The following FBXL3 variants were observed in gnomAD, a reference collection of about 807,000 sequenced individuals.
The protein encoded by FBXL3 is F-box/LRR-repeat protein 3.
Under a neutral mutation model 37.9 loss-of-function variants are expected in FBXL3, and 14 were observed. The ratio of observed to expected loss-of-function variants is 0.37; its 90% confidence interval spans 0.24 to 0.58. The LOEUF (loss-of-function observed/expected upper bound fraction) is 0.58. Among genes scored for constraint, FBXL3 ranks in the 20% least tolerant of loss-of-function variants. FBXL3 has a pLI of 0.74. For synonymous variants in FBXL3, 194 were observed against 180.1 expected, an observed-to-expected ratio of 1.08 and a Z score of -0.62; for missense variants, 327 against 511.1, an observed-to-expected ratio of 0.64 and a Z score of 3.47.
chr13:77,023,556 G>A (rs1267790369), intron 1 of FBXL3, among the ~76,000 whole-genome samples: 1 of 151,872 alleles, frequency 6.6e-6, no homozygotes, highest in Non-Finnish European at 1.5e-5. Context: ...CCGTGTAATC[G>A]GACTTTTTGG....
chr13:77,020,574 T>C (rs1279540314), intron 2 of FBXL3, among the ~76,000 whole-genome samples: 1 of 136,294 alleles, frequency 7.3e-6, no homozygotes, highest in East Asian at 3.0e-4. Context: ...AGCAACTGCT[T>C]GTGTCCAGAT....
Position 77,018,727 on chromosome 13 carries a change from GA to G in FBXL3, c.349-6del. ...TGATTCCTTGCTGCTGTCCACCTTA[GA>G]AAAGAAACACCGTTTACTCATGAAT... On this transcript the variant is annotated splice_polypyrimidine_tract_variant and splice_region_variant and intron_variant, in intron 2 of 4. Coordinates refer to ENST00000355619, the MANE Select transcript of FBXL3 (RefSeq NM_012158.4). The G allele has an allele frequency of 6.5e-7, 1 of 1,546,046 alleles. No homozygotes were observed. Among genetic ancestry groups the G allele is most frequent in the Non-Finnish European group, 8.7e-7 (1 of 1,151,358 alleles).
At chr13:77,013,061 A>C (rs1407498594) in intron 4 of FBXL3, 1 of 152,312 alleles carries the variant, frequency 6.6e-6, no homozygotes, top group East Asian at 1.9e-4. Context: ...GACGTGAGCC[A>C]ACGTGCCCAG....
At chr13:77,017,983 T>G (rs2034674369) in intron 3 of FBXL3, 1 of 152,142 alleles carries the variant, frequency 6.6e-6, no homozygotes, top group East Asian at 1.9e-4. Context: ...CTTTACCAGT[T>G]GCCTTTCTAA....
intron 1 of FBXL3, among the ~76,000 whole-genome samples, chr13:77,025,886 T>C (rs1284331570): frequency 6.6e-6 from 1 of 152,164 alleles, no homozygotes; most frequent in Non-Finnish European, 1.5e-5. Flanking sequence ...CTTTTACTAA[T>C]ATCAAACTAA....
At chr13:77,020,376 A>G (rs1057500917) in intron 2 of FBXL3, among the ~76,000 whole-genome samples, 2 of 152,212 alleles carry the variant, frequency 1.3e-5, no homozygotes, top group Non-Finnish European at 1.5e-5. Context: ...GGGAAAAAAA[A>G]GGCAAAAACA....
intron 2 of FBXL3, among the ~76,000 whole-genome samples, chr13:77,020,978 T>A (rs2034732504): frequency 6.6e-6 from 1 of 152,214 alleles, no homozygotes; most frequent in African/African-American, 2.4e-5. Context: ...TCCAATACCT[T>A]CCTTCCAGCA....
In FBXL3 at chr13:77,015,479, T is replaced by C. The variant is rs1164498058; in HGVS notation, c.573A>G (p.Val191=). The C allele has an allele frequency of 1.2e-6, 2 of 1,608,572 alleles. No individual in the cohort carries two copies. Among genetic ancestry groups the C allele is most frequent in the Non-Finnish European group, 1.7e-6 (2 of 1,177,442 alleles). ...DTPVDDPSLK[V]LVANNSDTLK... is the part of the protein sequence containing the mutation. ...GTGTATCACTATTGTTGGCCACTAG[T>C]ACTTTGAGAGATGGATCATCTACTG... The change falls in exon 4 of 5, where the codon GTA becomes GTG. Residue 191 remains valine (V), a synonymous_variant. Transcript: ENST00000355619.
Position 77,021,533 on chromosome 13 carries a change from G to T in FBXL3, c.328C>A (p.Leu110Ile). 1 of 1,611,816 alleles carries T rather than the reference G, an allele frequency of 6.2e-7. No individual in the cohort carries two copies. The highest frequency in any genetic ancestry group is 8.5e-7 in the Non-Finnish European group (1 of 1,178,266). ...ATTACCTTGAAGCTGACATATTGTA[G>T]ATGGTTTGAATGTCTTTTAATAATC... ...KQIIKRHSNH[L>I]QYVSFKVDSS... The change falls in exon 2 of 5, where the codon CTA (leucine) becomes ATA (isoleucine). Residue 110 changes from leucine to isoleucine, a missense_variant. Transcript: ENST00000355619.
chr13:77,021,446 G>A (rs535475481), intron 2 of FBXL3, 67 bp downstream of exon 2: 2 of 1,198,546 alleles, frequency 1.7e-6, no homozygotes, highest in East Asian at 2.4e-5. Flanking sequence ...ATGAGAAGAT[G>A]TACTGGTTTA....
chr13:77,021,239 C>A (rs1272699540), intron 2 of FBXL3, among the ~76,000 whole-genome samples: 1 of 152,166 alleles, frequency 6.6e-6, no homozygotes, highest in Non-Finnish European at 1.5e-5. Flanking sequence ...AAATCGTTCA[C>A]AATAATTCAA....
At position 77,006,890 on chromosome 13, in the gene FBXL3, A is replaced by T; in HGVS notation, c.*255T>A. 1.5e-5 allele frequency: 19 copies of T among 1,300,072 alleles called. No individual in the cohort carries two copies. Among genetic ancestry groups the T allele is most frequent in the Non-Finnish European group, 1.9e-5 (19 of 1,023,152 alleles). 80.5% of individuals were successfully genotyped at this position (1,300,072 alleles called of 1,614,324 possible). ...TTAGACTGTAAACTGTTTAATACGT[A>T]TAACTGGTTATTTCACATCCGAACC... On this transcript the variant is annotated 3_prime_UTR_variant, in exon 5 of 5. Coordinates refer to ENST00000355619, the MANE Select transcript of FBXL3 (RefSeq NM_012158.4).
At chr13:77,025,980 C>T (rs2034831239) in intron 1 of FBXL3, among the ~76,000 whole-genome samples, 2 of 151,782 alleles carry the variant, frequency 1.3e-5, no homozygotes, top group Admixed American at 6.6e-5. Flanking sequence ...CGCACAGTGG[C>T]GAAAATCTGT....
intron 1 of FBXL3, among the ~76,000 whole-genome samples, chr13:77,023,029 A>AT (rs1373451801): frequency 6.6e-6 from 1 of 152,226 alleles, no homozygotes; most frequent in Non-Finnish European, 1.5e-5. Context: ...AACTGTTGAG[A>AT]TATGACTGTT....
intron 1 of FBXL3, among the ~76,000 whole-genome samples, chr13:77,023,313 C>A (rs2034777788): frequency 6.6e-6 from 1 of 151,372 alleles, no homozygotes; most frequent in Non-Finnish European, 1.5e-5. Context: ...CCACACCCGA[C>A]TCTATTTTTG....
At chr13:77,011,250 G>A (rs1200146195) in intron 4 of FBXL3, among the ~76,000 whole-genome samples, 1 of 148,718 alleles carries the variant, frequency 6.7e-6, no homozygotes, top group East Asian at 2.0e-4. Flanking sequence ...TGAGGCAGGA[G>A]AATCACCTGA....
At chr13:77,017,547 G>C (rs1423855104) in intron 3 of FBXL3, 1 of 152,118 alleles carries the variant, frequency 6.6e-6, no homozygotes, top group Non-Finnish European at 1.5e-5. Flanking sequence ...AAAAGGGATA[G>C]AAATCCAAAA....
rs1415199918 is a variant in FBXL3 at position 77,006,953 on chromosome 13, C to T, written c.*192G>A. 1.4e-6 allele frequency: 2 copies of T among 1,403,312 alleles called. No individual in the cohort carries two copies. Among genetic ancestry groups the T allele is most frequent in the Non-Finnish European group, 1.8e-6 (2 of 1,083,374 alleles). The allele number at this position is 1,403,312 out of a possible 1,614,324, so 86.9% of individuals were successfully genotyped here. A position where few individuals can be genotyped will look rare whatever the true frequency, so the allele number is the denominator to read the frequency against. On this transcript the variant is annotated 3_prime_UTR_variant, in exon 5 of 5. Coordinates refer to ENST00000355619, the MANE Select transcript of FBXL3 (RefSeq NM_012158.4). ...ATTCGGAGATATGACTGCTATTACACTAAGGAAACAAGTGGAATTTTCTGA... is the reference window on the plus strand; with the variant it reads ...ATTCGGAGATATGACTGCTATTACATTAAGGAAACAAGTGGAATTTTCTGA...
intron 2 of FBXL3, among the ~76,000 whole-genome samples, chr13:77,020,323 A>T (rs1388232578): frequency 2.0e-5 from 3 of 152,220 alleles, no homozygotes; most frequent in Non-Finnish European, 4.4e-5. Context: ...TTTATTTGTA[A>T]AACCTGGCAA....
Sources: gnomAD v4.1 joint callset for allele counts (sites outside exome capture counted in the v4.1 genomes callset) on GRCh38, gnomAD v4.1.1 for gene constraint, MANE v1.5 for transcripts, NCBI Gene and HGNC (gene_info 2026-07-23, HGNC 2026-07-21) for gene names.